Variants in CNTN4 observed in about 807,000 individuals in gnomAD.
CNTN4 encodes contactin-4.
CNTN4 carries 77 observed loss-of-function variants against 122.5 expected under a neutral mutation model. That is an observed-to-expected ratio of 0.63 (90% CI 0.52 to 0.76). The LOEUF (loss-of-function observed/expected upper bound fraction) is 0.76, where lower values mean the gene tolerates loss of function less well. Among genes scored for constraint, CNTN4 ranks in the 30% least tolerant of loss-of-function variants. CNTN4 has a pLI of 0.00. For missense variants in CNTN4, 1,256 were observed against 1,259.1 expected (o/e 1.00, Z 0.04); for synonymous variants, 512 against 447.0 (o/e 1.15, Z -1.83).
intron 3 of CNTN4, among the ~76,000 whole-genome samples, chr3:2,466,685 C>T (rs1040897333): frequency 1.3e-5 from 2 of 152,058 alleles, no homozygotes; most frequent in Non-Finnish European, 2.9e-5. Context: ...TGCATTTTGA[C>T]TATTGTTTTC....
In CNTN4 at chr3:3,043,696, G is replaced by C. The variant is rs1288794320; in HGVS notation, c.2803G>C (p.Gly935Arg). Reference sequence around the variant, plus strand: ...CCTGGATAATGAGTCGGAAGTAAAAGGATACAAAGTAGGTAATTTCTTTTT... The same window carrying C: ...CCTGGATAATGAGTCGGAAGTAAAACGATACAAAGTAGGTAATTTCTTTTT... ...KALDNESEVKGYKVLYRWNRQ... is the reference protein window; with the variant it reads ...KALDNESEVKRYKVLYRWNRQ... Residue 935 changes from glycine to arginine, a missense_variant, in exon 23 of 25, where the codon GGA becomes CGA. Physicochemically the swap from Gly to Arg is moderately radical, Grantham distance 125. Transcript: ENST00000418658. The C allele has an allele frequency of 6.2e-7, 1 of 1,609,668 alleles. No individual in the cohort carries two copies. Among genetic ancestry groups the C allele is most frequent in the Non-Finnish European group, 8.5e-7 (1 of 1,176,068 alleles).
At chr3:2,380,789 G>A (rs2045989560) in intron 3 of CNTN4, among the ~76,000 whole-genome samples, 1 of 151,994 alleles carries the variant, frequency 6.6e-6, no homozygotes, top group South Asian at 2.1e-4. Flanking sequence ...TGCAAAAGGG[G>A]ATGCCTAAGA....
chr3:2,640,980 GA>G (rs894130961), intron 4 of CNTN4, among the ~76,000 whole-genome samples: 34 of 152,182 alleles, frequency 2.2e-4, no homozygotes, highest in African/African-American at 7.0e-4. Context: ...AACAGGAAGA[GA>G]AAAAAATTGG....
intron 6 of CNTN4, among the ~76,000 whole-genome samples, chr3:2,777,869 T>C (rs939634047): frequency 6.6e-6 from 1 of 152,204 alleles, no homozygotes; most frequent in African/African-American, 2.4e-5. Context: ...ACTATGTCTT[T>C]GTATTATAAT....
At chr3:2,798,277 T>TTG (rs905569644) in intron 6 of CNTN4, among the ~76,000 whole-genome samples, 1,442 of 103,760 alleles carry the variant, frequency 0.014, 24 homozygotes, top group African/African-American at 0.044. Flanking sequence ...TAGTATTCCA[T>TTG]TGTGTGTGTG....
At chr3:2,488,312 G>A (rs1282874735) in intron 3 of CNTN4, among the ~76,000 whole-genome samples, 1 of 152,172 alleles carries the variant, frequency 6.6e-6, no homozygotes, top group African/African-American at 2.4e-5. Flanking sequence ...ATTCCTAGCT[G>A]GAGCCATTGT....
At chr3:2,162,926 A>G (rs2036029518) in intron 2 of CNTN4, among the ~76,000 whole-genome samples, 1 of 152,074 alleles carries the variant, frequency 6.6e-6, no homozygotes, top group Non-Finnish European at 1.5e-5. Context: ...GGGAGACCCC[A>G]TCTCTACAAA....
At chr3:2,137,567 A>G (rs1206491532) in intron 2 of CNTN4, among the ~76,000 whole-genome samples, 1 of 152,206 alleles carries the variant, frequency 6.6e-6, no homozygotes, top group African/African-American at 2.4e-5. Context: ...TGCTTAAGTT[A>G]TATTTGTGAG....
intron 6 of CNTN4, among the ~76,000 whole-genome samples, chr3:2,805,306 T>C (rs1367037149): frequency 1.3e-5 from 2 of 152,186 alleles, no homozygotes; most frequent in South Asian, 2.1e-4. Flanking sequence ...TTTCTTGTGA[T>C]AGAAGAGCAA....
chr3:2,744,927 A>G (rs1261865749), intron 5 of CNTN4, among the ~76,000 whole-genome samples: 2 of 152,180 alleles, frequency 1.3e-5, no homozygotes, highest in East Asian at 1.9e-4. Flanking sequence ...GGGATGGTTG[A>G]TTGATGTTTG....
chr3:2,491,462 G>T (rs2076315396), intron 3 of CNTN4, among the ~76,000 whole-genome samples: 1 of 152,148 alleles, frequency 6.6e-6, no homozygotes, highest in Non-Finnish European at 1.5e-5. Flanking sequence ...TAAATTTTGG[G>T]TGTATTGGTG....
chr3:2,725,063 A>G (rs1275703223), intron 4 of CNTN4, among the ~76,000 whole-genome samples: 2 of 152,210 alleles, frequency 1.3e-5, no homozygotes, highest in African/African-American at 4.8e-5. Flanking sequence ...TATTAAACAG[A>G]AAAATATATC....
intron 3 of CNTN4, among the ~76,000 whole-genome samples, chr3:2,532,033 T>C (rs1352645417): frequency 1.3e-5 from 2 of 152,200 alleles, no homozygotes; most frequent in Non-Finnish European, 2.9e-5. Flanking sequence ...ACAAAAGCCA[T>C]GTTTTGAGAG....
chr3:2,925,923 G>A (rs572308143), intron 13 of CNTN4, 144 bp downstream of exon 13: 9 of 720,058 alleles, frequency 1.2e-5, no homozygotes, highest in Non-Finnish European at 2.1e-5. Context: ...TTGGAAGGAT[G>A]AGTGGTAAGT....
intron 4 of CNTN4, among the ~76,000 whole-genome samples, chr3:2,640,557 G>A (rs2082854824): frequency 6.6e-6 from 1 of 152,120 alleles, no homozygotes; most frequent in African/African-American, 2.4e-5. Context: ...TTGGGTAGTG[G>A]GAACACTTAC....
At chr3:2,575,045 T>A (rs1425186353) in intron 4 of CNTN4, among the ~76,000 whole-genome samples, 1 of 152,112 alleles carries the variant, frequency 6.6e-6, no homozygotes, top group Non-Finnish European at 1.5e-5. Context: ...TAGTATATTT[T>A]AAAATAGGTA....
chr3:2,314,140 CAA>C (rs1193491960), intron 2 of CNTN4, among the ~76,000 whole-genome samples: 4 of 151,748 alleles, frequency 2.6e-5, no homozygotes, highest in Non-Finnish European at 4.4e-5. Context: ...ATTGACTTAA[CAA>C]GAGATGTCCA....
intron 3 of CNTN4, among the ~76,000 whole-genome samples, chr3:2,430,280 G>A (rs183878389): frequency 4.6e-5 from 7 of 151,860 alleles, no homozygotes; most frequent in African/African-American, 1.7e-4. Context: ...AAATTAGCCG[G>A]GCGTGGTGGC....
intron 10 of CNTN4, among the ~76,000 whole-genome samples, chr3:2,899,383 A>G (rs1185882911): frequency 6.6e-6 from 1 of 152,218 alleles, no homozygotes; most frequent in Admixed American, 6.5e-5. Context: ...TTAAATACTG[A>G]TATCAACTTT....
Sources: gnomAD v4.1 joint callset for allele counts (sites outside exome capture counted in the v4.1 genomes callset) on GRCh38, gnomAD v4.1.1 for gene constraint, MANE v1.5 for transcripts, NCBI Gene and HGNC (gene_info 2026-07-23, HGNC 2026-07-21) for gene names.